The following GPHN variants were observed in gnomAD, a reference collection of about 807,000 sequenced individuals.
GPHN encodes the protein gephyrin.
In GPHN, 17 loss-of-function variants were observed where a neutral mutation model predicts 95.5. The ratio of observed to expected loss-of-function variants is 0.18; its 90% CI spans 0.12 to 0.27. The LOEUF (loss-of-function observed/expected upper bound fraction) is 0.27. GPHN is among the 10% of genes least tolerant of loss of function. The pLI is 1.00. For missense variants in GPHN, 660 were observed against 978.1 expected (o/e 0.67, Z 4.34); for synonymous variants, 320 against 322.5 (o/e 0.99, Z 0.08).
chr14:67,225,122 C>T, the GPHN span: 1 of 1,573,544 alleles, frequency 6.4e-7, no homozygotes, highest in Non-Finnish European at 8.6e-7. Context: ...CTCTAGTTCT[C>T]TCCCCTCATA....
chr14:67,142,341 A>G (rs988849970), intron 17 of GPHN, among the ~76,000 whole-genome samples: 1 of 152,206 alleles, frequency 6.6e-6, no homozygotes, highest in African/African-American at 2.4e-5. Flanking sequence ...ACTATTCCCA[A>G]TCATCCTGTC....
the GPHN span, among the ~76,000 whole-genome samples, chr14:67,637,207 C>T: frequency 0.018 from 2,681 of 151,810 alleles, 39 homozygotes; most frequent in Middle Eastern, 0.048. Context: ...GTCAGGAGTT[C>T]GAGACCAGCC....
intron 18 of GPHN, among the ~76,000 whole-genome samples, chr14:67,147,540 T>C (rs1410354119): frequency 6.6e-6 from 1 of 152,172 alleles, no homozygotes; most frequent in Non-Finnish European, 1.5e-5. Context: ...AGGTTTTTGT[T>C]GTATTTTGTT....
At chr14:67,466,723 T>C in the GPHN span, among the ~76,000 whole-genome samples, 1 of 152,114 alleles carries the variant, frequency 6.6e-6, no homozygotes, top group Non-Finnish European at 1.5e-5. Flanking sequence ...CCAGGCACAG[T>C]GGCTCACCCC....
chr14:66,968,315 T>A (rs575890122), intron 9 of GPHN, among the ~76,000 whole-genome samples: 1 of 152,114 alleles, frequency 6.6e-6, no homozygotes, highest in East Asian at 1.9e-4. Context: ...TGATTGGGAA[T>A]GTGTTTAATC....
chr14:67,290,090 T>G, the GPHN span, among the ~76,000 whole-genome samples: 7 of 152,026 alleles, frequency 4.6e-5, no homozygotes, highest in African/African-American at 1.7e-4. Flanking sequence ...TTTTTTATAC[T>G]GTCTTTGACT....
intron 1 of GPHN, among the ~76,000 whole-genome samples, chr14:66,664,926 T>A (rs1188180292): frequency 7.0e-6 from 1 of 142,470 alleles, no homozygotes; most frequent in African/African-American, 2.6e-5. Flanking sequence ...AGGAAGAAAT[T>A]GAATCCCTGA....
intron 12 of GPHN, among the ~76,000 whole-genome samples, chr14:67,098,844 A>G (rs554435166): frequency 6.6e-6 from 1 of 151,376 alleles, no homozygotes; most frequent in African/African-American, 2.4e-5. Context: ...AAAGAAAAAG[A>G]GAGAGAGAAA....
At chr14:67,068,147 C>T (rs1038687543) in intron 11 of GPHN, among the ~76,000 whole-genome samples, 3 of 152,188 alleles carry the variant, frequency 2.0e-5, no homozygotes, top group African/African-American at 7.2e-5. Flanking sequence ...ACAACTGGAA[C>T]CCGGGATCCT....
intron 8 of GPHN, among the ~76,000 whole-genome samples, chr14:66,950,719 G>A (rs1226978712): frequency 6.6e-6 from 1 of 151,930 alleles, no homozygotes; most frequent in Non-Finnish European, 1.5e-5. Context: ...GAACACATGA[G>A]CACACACTCA....
intron 4 of GPHN, among the ~76,000 whole-genome samples, chr14:66,833,444 AT>A (rs1265915458): frequency 1.3e-5 from 2 of 152,144 alleles, no homozygotes; most frequent in Non-Finnish European, 2.9e-5. Flanking sequence ...TCAAGACCAG[AT>A]TTGGGTGGGA....
At chr14:67,630,402 C>G in the GPHN span, among the ~76,000 whole-genome samples, 1 of 152,048 alleles carries the variant, frequency 6.6e-6, no homozygotes, top group African/African-American at 2.4e-5. Context: ...CTAATGGTGC[C>G]AGATGGTTGT....
At chr14:67,212,619 TATATATTATATATAATATATATTAC>T in the GPHN span, among the ~76,000 whole-genome samples, 1 of 145,100 alleles carries the variant, frequency 6.9e-6, no homozygotes, top group South Asian at 2.1e-4. Context: ...ATATATGTAA[TATATATTATATATAATATATATTAC>T]ATATATATAT....
intron 1 of GPHN, among the ~76,000 whole-genome samples, chr14:66,567,023 T>A (rs996314024): frequency 1.2e-4 from 19 of 152,170 alleles, no homozygotes; most frequent in Middle Eastern, 3.2e-3. Context: ...CTAGCACTGC[T>A]CAGGTAGGCA....
the GPHN span, among the ~76,000 whole-genome samples, chr14:67,316,112 A>T: frequency 3.9e-5 from 6 of 152,224 alleles, no homozygotes; most frequent in Non-Finnish European, 1.5e-5. Context: ...TAAAATAAAA[A>T]AGTGGAACCT....
At chr14:67,567,703 C>G in the GPHN span, among the ~76,000 whole-genome samples, 1 of 152,132 alleles carries the variant, frequency 6.6e-6, no homozygotes, top group Non-Finnish European at 1.5e-5. Context: ...TGCTGCTCCC[C>G]TCTGGGATGA....
At chr14:66,674,104 T>C (rs1221294997) in intron 1 of GPHN, among the ~76,000 whole-genome samples, 1 of 75,798 alleles carries the variant, frequency 1.3e-5, no homozygotes, top group Non-Finnish European at 2.0e-5. Context: ...TTTTCTTTTC[T>C]TTTTTTTTTT....
chr14:66,810,482 T>G (rs113623205), intron 3 of GPHN, among the ~76,000 whole-genome samples: 2,375 of 152,004 alleles, frequency 0.016, 33 homozygotes, highest in Non-Finnish European at 0.018. Context: ...CAAAGGAAAA[T>G]TGACATTATG....
intron 1 of GPHN, among the ~76,000 whole-genome samples, chr14:66,565,456 A>T (rs28724292): frequency 0.071 from 10,819 of 151,864 alleles, 948 homozygotes; most frequent in African/African-American, 0.2. Flanking sequence ...GCACCACCAC[A>T]CCCAGCTAAT....
Sources: gnomAD v4.1 joint callset for allele counts (sites outside exome capture counted in the v4.1 genomes callset) on GRCh38, gnomAD v4.1.1 for gene constraint, MANE v1.5 for transcripts, NCBI Gene and HGNC (gene_info 2026-07-23, HGNC 2026-07-21) for gene names.